Variants in C3orf22 observed in about 807,000 individuals in gnomAD.
The protein encoded by C3orf22 is uncharacterized protein C3orf22.
C3orf22 carries 7 observed loss-of-function variants against 10.8 expected under a neutral mutation model. That is an observed-to-expected ratio of 0.65 (90% CI 0.37 to 1.22). The LOEUF (loss-of-function observed/expected upper bound fraction) is 1.22, where lower values mean the gene tolerates loss of function less well. Among genes scored for constraint, C3orf22 ranks in the 50% most tolerant of loss-of-function variants. The pLI is 0.02. For missense variants in C3orf22, 173 were observed against 177.0 expected (o/e 0.98, Z 0.13); for synonymous variants, 79 against 78.9 (o/e 1.00, Z 0.00).
At chr3:126,549,651 A>G (rs1360301832), downstream of C3orf22, 4 of 1,512,820 alleles carry the variant, frequency 2.6e-6, no homozygotes, top group Admixed American at 6.0e-5. Flanking sequence ...AGATGAGAAA[A>G]TGAAGGCTCA....
In C3orf22 at chr3:126,550,034, G is replaced by A. The variant is rs753155117; in HGVS notation, c.260C>T (p.Ala87Val). 14 of 1,613,928 alleles carry A rather than the reference G, an allele frequency of 8.7e-6. No homozygotes were observed. In the East Asian group the frequency reaches 2.2e-4, roughly 26 times the overall value. Residue 87 changes from alanine (A) to valine (V), a missense_variant, in exon 4 of 4, where the codon GCA becomes GTA. Physicochemically the swap from Ala to Val is moderately conservative, Grantham distance 64 (BLOSUM62 0). Coordinates refer to ENST00000318225, the MANE Select transcript of C3orf22 (RefSeq NM_152533.3). ...AGGTGGTGATGGTGCTGGTAGTGGT[G>A]CCGGGCAGGAGCCAGACGGTGATGT... ...DFTSPSGSCPAPLPAPSPPPL... is the reference protein window; with the variant it reads ...DFTSPSGSCPVPLPAPSPPPL...
chr3:126,538,144 G>A (rs1289483632), intron 4 of C3orf22, among the ~76,000 whole-genome samples: 1 of 152,238 alleles, frequency 6.6e-6, no homozygotes, highest in African/African-American at 2.4e-5. Flanking sequence ...ATGAGCAACA[G>A]CAGTGGCAGC....
At chr3:126,535,879 G>A (rs1310078344) in intron 4 of C3orf22, among the ~76,000 whole-genome samples, 1 of 152,234 alleles carries the variant, frequency 6.6e-6, no homozygotes, top group Non-Finnish European at 1.5e-5. Context: ...TGAGGGTGCT[G>A]GGCAGCCAGC....
chr3:126,549,936 T>A lies in C3orf22; in HGVS notation c.358A>T (p.Thr120Ser). The part of the protein sequence containing the change: ...FPRQLAFLLS[T>S]RHTEAACPQT... ...GGGCAGGCAGCCTCAGTGTGCCGGGTGGACAGCAGGAAGGCGAGTTGTCTG... is the reference window on the plus strand; with the variant it reads ...GGGCAGGCAGCCTCAGTGTGCCGGGAGGACAGCAGGAAGGCGAGTTGTCTG... Residue 120 changes from threonine (T) to serine (S), a missense_variant, in exon 4 of 4, where the codon ACC becomes TCC. Thr to Ser is a moderately conservative substitution (Grantham distance 58). Transcript: ENST00000318225. 1.9e-6 allele frequency: 3 copies of A among 1,613,560 alleles called. No homozygotes were observed. The highest frequency in any genetic ancestry group is 2.5e-6 in the Non-Finnish European group (3 of 1,179,920).
In C3orf22 at chr3:126,528,772, A is replaced by C. The variant is rs73194065; in HGVS notation, c.*218+360T>G. Among the ~76,000 whole-genome samples, 1,401 of 152,276 alleles carry C rather than the reference A, an allele frequency of 9.2e-3. 17 individuals carry two copies. Among genetic ancestry groups the C allele is most frequent in the Non-Finnish European group, 0.011 (751 of 67,998 alleles). On this transcript the variant is annotated intron_variant and NMD_transcript_variant, in intron 5 of 5. Coordinates refer to the C3orf22 transcript ENST00000505070. The stretch of plus-strand genomic sequence containing the variant: ...TGGAGTTTGAACTAAATACACGTGG[A>C]GAGATCTCTAGTTCTCTCCCCTAAA...
chr3:126,541,811 C>T, intron 4 of C3orf22: 1 of 1,558,080 alleles, frequency 6.4e-7, no homozygotes, highest in Non-Finnish European at 8.7e-7. Flanking sequence ...CCACTCACGC[C>T]GGCAGCGCCT....
intron 4 of C3orf22, chr3:126,536,438 G>A (rs1271953527): frequency 5.8e-6 from 6 of 1,041,682 alleles, no homozygotes; most frequent in African/African-American, 3.2e-5. Flanking sequence ...CTGCTGGCAT[G>A]AGACTGGACC....
chr3:126,544,285 C>T (rs1042698850), intron 4 of C3orf22, among the ~76,000 whole-genome samples: 1 of 152,208 alleles, frequency 6.6e-6, no homozygotes, highest in Admixed American at 6.5e-5. Context: ...GAGCCCCTGT[C>T]AGCAAGAAGG....
At chr3:126,537,183 C>T (rs997258903) in intron 4 of C3orf22, among the ~76,000 whole-genome samples, 10 of 152,196 alleles carry the variant, frequency 6.6e-5, no homozygotes, top group African/African-American at 2.4e-4. Flanking sequence ...AGCAACTCCT[C>T]TCCAAGGTAG....
intron 4 of C3orf22, among the ~76,000 whole-genome samples, chr3:126,535,188 GAGAC>G (rs1386351010): frequency 5.3e-5 from 8 of 150,028 alleles, no homozygotes; most frequent in African/African-American, 7.4e-5. Context: ...CCCCAGCCGG[GAGAC>G]AGACAGACAG....
intron 1 of C3orf22, among the ~76,000 whole-genome samples, chr3:126,554,430 ATTTTTGTATT>A (rs1437726699): frequency 1.3e-5 from 2 of 151,690 alleles, no homozygotes; most frequent in Non-Finnish European, 2.9e-5. Context: ...CGCCTGGCTA[ATTTTTGTATT>A]TTTAGTAGAG....
At chr3:126,547,069 C>T (rs1937081073), downstream of C3orf22, among the ~76,000 whole-genome samples, 1 of 152,158 alleles carries the variant, frequency 6.6e-6, no homozygotes. Flanking sequence ...GCAGGATAAA[C>T]TCCTGGGAGA....
chr3:126,536,208 A>T (rs1282161470), intron 4 of C3orf22: 22 of 1,477,462 alleles, frequency 1.5e-5, no homozygotes, highest in African/African-American at 2.8e-5. Context: ...GGGTTGGCCA[A>T]ACCCCCAGGT....
chr3:126,527,130 A>T (rs2107561185), exon 6 of C3orf22: 1 of 152,504 alleles, frequency 6.6e-6, no homozygotes, highest in South Asian at 2.1e-4. Flanking sequence ...AGGGCTGAGC[A>T]TCTGTCCCAG....
exon 6 of C3orf22, chr3:126,527,171 C>A (rs867787816): frequency 6.6e-6 from 1 of 152,386 alleles, no homozygotes; most frequent in South Asian, 2.1e-4. Context: ...CCTCTTGGAG[C>A]CAGGTGGGCC....
In C3orf22 at chr3:126,542,026, C is replaced by T. The variant is rs767401839; in HGVS notation, c.286+7511G>A. The T allele has an allele frequency of 3.2e-5, 50 of 1,569,696 alleles. No individual in the cohort carries two copies. In the South Asian group the frequency reaches 4.4e-4, roughly 14 times the overall value. On this transcript the variant is annotated intron_variant and NMD_transcript_variant, in intron 4 of 5. Transcript: ENST00000505070. Reference sequence around the variant, plus strand: ...CCTCACTGGCCGACTTCAGCCCCGCCGAGATCAACCGGCGCCTGCGCGCCT... The same window carrying T: ...CCTCACTGGCCGACTTCAGCCCCGCTGAGATCAACCGGCGCCTGCGCGCCT...
Position 126,549,707 on chromosome 3 carries a change from C to A in C3orf22, c.*161G>T. On this transcript the variant is annotated 3_prime_UTR_variant, in exon 4 of 4. Transcript: ENST00000318225. ...CAGCTGGAAGTGGGGTGGGAACTCG[C>A]AGTTTATTAGCTTGGTGTAGCTTTT... 6.6e-7 allele frequency: 1 copy of A among 1,524,442 alleles called. No individual in the cohort carries two copies. Among genetic ancestry groups the A allele is most frequent in the Non-Finnish European group, 8.8e-7 (1 of 1,139,642 alleles). 94.4% of individuals were successfully genotyped at this position (1,524,442 alleles called of 1,614,324 possible). A position where few individuals can be genotyped will look rare whatever the true frequency, so the allele number is the denominator to read the frequency against.
intron 3 of C3orf22, 110 bp from the exon 4 acceptor site, chr3:126,550,188 A>C (rs1019616276): frequency 1.6e-6 from 2 of 1,224,362 alleles, no homozygotes; most frequent in Non-Finnish European, 2.3e-6. Context: ...TCCAACTGAG[A>C]TCTACTCCCA....
chr3:126,545,775 C>T (rs1260283740), downstream of C3orf22, among the ~76,000 whole-genome samples: 4 of 152,130 alleles, frequency 2.6e-5, no homozygotes, highest in Non-Finnish European at 5.9e-5. Context: ...GATAAAGGTG[C>T]GGCTGCCTGG....
Sources: gnomAD v4.1 joint callset for allele counts (sites outside exome capture counted in the v4.1 genomes callset) on GRCh38, gnomAD v4.1.1 for gene constraint, MANE v1.5 for transcripts, NCBI Gene and HGNC (gene_info 2026-07-23, HGNC 2026-07-21) for gene names.